Variants in VWCE observed in about 807,000 individuals in gnomAD.
VWCE encodes the protein von Willebrand factor C and EGF domains, also known as von Willebrand factor C and EGF domain-containing protein.
In VWCE, 68 loss-of-function variants were observed where a neutral mutation model predicts 102.9. The observed-to-expected ratio is 0.66, with a 90% confidence interval of 0.54 to 0.81. The LOEUF (loss-of-function observed/expected upper bound fraction) is 0.81. Ranked by LOEUF, VWCE falls within the 30% of genes least tolerant of loss-of-function variation. VWCE has a pLI of 0.00. For synonymous variants in VWCE, 497 were observed against 515.4 expected, an observed-to-expected ratio of 0.96 and a Z score of 0.48; for missense variants, 1,137 against 1,263.6, an observed-to-expected ratio of 0.90 and a Z score of 1.52.
intron 12 of VWCE, 33 bp from the exon 13 acceptor site, chr11:61,273,349 G>A: frequency 6.4e-7 from 1 of 1,563,276 alleles, no homozygotes; most frequent in Non-Finnish European, 8.7e-7. Flanking sequence ...AATGATGAGG[G>A]CGGCACCCTG....
chr11:61,284,305 G>C (rs1166082805), intron 5 of VWCE, among the ~76,000 whole-genome samples: 1 of 152,214 alleles, frequency 6.6e-6, no homozygotes, highest in Non-Finnish European at 1.5e-5. Context: ...ATAAAATGGA[G>C]ATAGATAATA....
Position 61,281,128 on chromosome 11 carries a change from C to G in VWCE, c.895G>C (p.Gly299Arg), listed in dbSNP as rs374389528. 2 of 1,613,426 alleles carry G rather than the reference C, an allele frequency of 1.2e-6. No individual in the cohort carries two copies. Among genetic ancestry groups the G allele is most frequent in the Non-Finnish European group, 1.7e-6 (2 of 1,179,846 alleles). The change falls in exon 8 of 20, where the codon GGA becomes CGA. Residue 299 changes from glycine to arginine, a missense_variant. Gly to Arg is a moderately radical substitution (Grantham distance 125). Transcript: ENST00000335613. ...PEAGRPALSP[G>R]HSPPSGAPGP... is the part of the protein sequence containing the mutation. ...GGAGCCCCAGAAGGAGGGCTATGTC[C>G]TGGGGACAGGGCAGGCCGGCCGGCC...
chr11:61,274,371 G>T, intron 12 of VWCE, 128 bp downstream of exon 12: 1 of 835,522 alleles, frequency 1.2e-6, no homozygotes, highest in Non-Finnish European at 1.9e-6. Flanking sequence ...TAGTGCCTTT[G>T]CTTCCTCAGT....
Position 61,260,908 on chromosome 11 carries a change from T to C in VWCE, c.2231-1596A>G, listed in dbSNP as rs189558461. ...AGGAAGAAGCTCAGCAAAAAGAAAATGAAGAGTGAAGAAGCAAAAAAAGAA... is the reference window on the plus strand; with the variant it reads ...AGGAAGAAGCTCAGCAAAAAGAAAACGAAGAGTGAAGAAGCAAAAAAAGAA... On this transcript the variant is annotated intron_variant, in intron 19 of 19. Transcript: ENST00000335613. Among the ~76,000 whole-genome samples, 248 of 151,552 alleles carry C rather than the reference T, an allele frequency of 1.6e-3. 1 individual carries two copies. In the South Asian group the frequency reaches 0.017, roughly 10 times the overall value.
intron 19 of VWCE, among the ~76,000 whole-genome samples, chr11:61,260,772 ATCAAAAT>A (rs1191063510): frequency 3.9e-5 from 6 of 152,210 alleles, no homozygotes; most frequent in African/African-American, 1.4e-4. Context: ...CCAGGAAAAG[ATCAAAAT>A]TCAAAATACA....
At position 61,291,515 on chromosome 11, in the gene VWCE, C is replaced by A. The variant is rs146071134; in HGVS notation, c.172G>T (p.Ala58Ser). 1.1e-5 allele frequency: 17 copies of A among 1,526,838 alleles called. No individual in the cohort carries two copies. The African/African-American group carries it at 2.2e-4, about 20-fold the overall frequency. The allele number at this position is 1,526,838 out of a possible 1,614,324, so 94.6% of individuals were successfully genotyped here. ...CAGTGCCCACCACCCATAGAGGGCG[C>A]CCAGCCAGGGCAGCAGCCACTCCCA... ...GFGSGCCPGW[A>S]PSMGGGHCTL... Residue 58 changes from alanine (A) to serine (S), a missense_variant, in exon 2 of 20, where the codon GCG (alanine) becomes TCG (serine). Around this residue, in one of 5 missense-constraint regions of VWCE, gnomAD observed 575 missense variants for 625.9 expected, o/e 0.92. Transcript: ENST00000335613.
At chr11:61,276,773 C>A in intron 10 of VWCE, 93 bp from the exon 11 acceptor site, 2 of 943,064 alleles carry the variant, frequency 2.1e-6, no homozygotes, top group South Asian at 3.0e-5. Context: ...AGGAAAGCTG[C>A]CTAAAGGAGG....
Position 61,259,270 on chromosome 11 carries a change from T to G in VWCE, c.2273A>C (p.His758Pro), listed in dbSNP as rs1306672861. The change falls in exon 20 of 20, where the codon CAC becomes CCC. Residue 758 changes from histidine to proline, a missense_variant. Physicochemically the swap from His to Pro is moderately conservative, Grantham distance 77 (BLOSUM62 -2). Transcript: ENST00000335613. ...PLEEKQGLSP[H>P]GNVAFSKAGR... Reference sequence around the variant, plus strand: ...AGCTTTGCTGAATGCCACATTTCCGTGAGGGGAGAGCCCCTGCTTTTCTTC... The same window carrying G: ...AGCTTTGCTGAATGCCACATTTCCGGGAGGGGAGAGCCCCTGCTTTTCTTC... 1.9e-6 allele frequency: 3 copies of G among 1,605,138 alleles called. No individual in the cohort carries two copies. The highest frequency in any genetic ancestry group is 2.6e-6 in the Non-Finnish European group (3 of 1,174,312).
At chr11:61,284,431 CGTA>C (rs1855245736) in intron 5 of VWCE, among the ~76,000 whole-genome samples, 1 of 152,128 alleles carries the variant, frequency 6.6e-6, no homozygotes, top group Non-Finnish European at 1.5e-5. Flanking sequence ...TGCCCATGTA[CGTA>C]CGTACACATC....
At chr11:61,274,391 G>A (rs1854839674) in intron 12 of VWCE, 108 bp downstream of exon 12, 1 of 1,036,744 alleles carries the variant, frequency 9.6e-7, no homozygotes, top group African/African-American at 1.6e-5. Context: ...TTTCCCTGTT[G>A]CTGTATGACA....
intron 19 of VWCE, among the ~76,000 whole-genome samples, chr11:61,263,492 C>T (rs999582150): frequency 1.3e-5 from 2 of 151,782 alleles, no homozygotes; most frequent in East Asian, 1.9e-4. Context: ...CTGGCAGGGG[C>T]GAGGGGAATG....
chr11:61,261,123 G>C (rs1020357326), intron 19 of VWCE, among the ~76,000 whole-genome samples: 1 of 152,028 alleles, frequency 6.6e-6, no homozygotes, highest in Non-Finnish European at 1.5e-5. Context: ...GGTAGGCTGA[G>C]GCAGGAGAGT....
rs772628580 is a variant in VWCE, at chr11:61,278,493, G to C, written c.1325-17C>G. 5.6e-6 allele frequency: 9 copies of C among 1,613,192 alleles called. No homozygotes were observed. In the African/African-American group the frequency reaches 1.2e-4, roughly 22 times the overall value. On this transcript the variant is annotated splice_polypyrimidine_tract_variant and intron_variant, in intron 9 of 19. Coordinates refer to ENST00000335613, the MANE Select transcript of VWCE (RefSeq NM_152718.2). The stretch of plus-strand genomic sequence containing the variant: ...GAAAACAGCCTTTGAAGGACAAATA[G>C]GAGGTAGAGGCATCAGACCTCTTCA...
chr11:61,279,434 G>C (rs938616187), intron 9 of VWCE, among the ~76,000 whole-genome samples: 1 of 151,940 alleles, frequency 6.6e-6, no homozygotes, highest in African/African-American at 2.4e-5. Flanking sequence ...AATTAGCCAG[G>C]CTTGGTGGTG....
rs77453538 is a variant in VWCE at position 61,263,856 on chromosome 11, G to A, written c.2230+631C>T. On this transcript the variant is annotated intron_variant, in intron 19 of 19. Coordinates refer to ENST00000335613, the MANE Select transcript of VWCE (RefSeq NM_152718.2). ...ATTAGAGATTACTCTTCTGCAAAAC[G>A]GACTCAGTTCCCATGTTGTAATTTA... Among the ~76,000 whole-genome samples, 515 of 152,264 alleles carry A rather than the reference G, an allele frequency of 3.4e-3. 5 individuals carry two copies. The highest frequency in any genetic ancestry group is 0.012 in the African/African-American group (488 of 41,546).
At position 61,286,445 on chromosome 11, in the gene VWCE, A is replaced by T; in HGVS notation, c.425-15T>A. 6.2e-7 allele frequency: 1 copy of T among 1,607,776 alleles called. No individual in the cohort carries two copies. The highest frequency in any genetic ancestry group is 8.5e-7 in the Non-Finnish European group (1 of 1,177,794). On this transcript the variant is annotated splice_polypyrimidine_tract_variant and intron_variant, in intron 4 of 19. Transcript: ENST00000335613. ...TTCGTCAATGTCTGGAAAGACAGAA[A>T]GCACGTGTTTACACAGTGGTCCTCG...
intron 9 of VWCE, 37 bp downstream of exon 9, chr11:61,280,587 A>G (rs1311020012): frequency 4.4e-6 from 7 of 1,599,002 alleles, no homozygotes; most frequent in Non-Finnish European, 6.0e-6. Context: ...AGAAAGGAAG[A>G]GGCAGGACTA....
In VWCE at chr11:61,286,121, C is replaced by T. The variant is rs1855312374; in HGVS notation, c.541+193G>A. ...CTCTGACTCCACCTCTTACTAACGACTTGGCCTTGGGCAAGCCTCAGTCTC... is the reference window on the plus strand; with the variant it reads ...CTCTGACTCCACCTCTTACTAACGATTTGGCCTTGGGCAAGCCTCAGTCTC... On this transcript the variant is annotated intron_variant, in intron 5 of 19. Coordinates refer to ENST00000335613, the MANE Select transcript of VWCE (RefSeq NM_152718.2). The T allele has an allele frequency of 4.6e-6, 3 of 648,688 alleles. No individual in the cohort carries two copies. The Admixed American group carries it at 7.3e-5, about 16-fold the overall frequency. 40.2% of individuals were successfully genotyped at this position (648,688 alleles called of 1,614,324 possible). A position where few individuals can be genotyped will look rare whatever the true frequency, so the allele number is the denominator to read the frequency against.
Position 61,265,146 on chromosome 11 carries a change from C to T in VWCE, c.2032G>A (p.Gly678Arg), listed in dbSNP as rs199817244. 8.2e-6 allele frequency: 13 copies of T among 1,587,296 alleles called. No homozygotes were observed. The highest frequency in any genetic ancestry group is 6.8e-5 in the East Asian group (3 of 43,992). ...CCTCGGCACACGGGGCAGCACTCCC[C>T]GTCAGGGTGGAAAGGGTAGGTACAG... The part of the protein sequence containing the change: ...ITCTYPFHPD[G>R]ECCPVCRDCN... The change falls in exon 17 of 20, where the codon GGG (glycine) becomes AGG (arginine). Residue 678 changes from glycine to arginine, a missense_variant. Gly to Arg is a moderately radical substitution (Grantham distance 125). Coordinates refer to ENST00000335613, the MANE Select transcript of VWCE (RefSeq NM_152718.2).
Sources: gnomAD v4.1 joint callset for allele counts (sites outside exome capture counted in the v4.1 genomes callset) on GRCh38, gnomAD v4.1.1 for gene constraint, gnomAD v4.1.1 regional missense constraint, MANE v1.5 for transcripts, NCBI Gene and HGNC (gene_info 2026-07-23, HGNC 2026-07-21) for gene names.